NRP1: variants seen among roughly 807,000 people sequenced by gnomAD.
The protein encoded by NRP1 is neuropilin-1.
In NRP1, 35 loss-of-function variants were observed where a neutral mutation model predicts 106.7. The ratio of observed to expected loss-of-function variants is 0.33; its 90% CI spans 0.25 to 0.43. NRP1 has a LOEUF of 0.43. Ranked by LOEUF, NRP1 falls within the 20% of genes least tolerant of loss-of-function variation. The pLI, the probability that NRP1 is intolerant of heterozygous loss-of-function variation, is 1.00. For synonymous variants in NRP1, 437 were observed against 417.9 expected, an observed-to-expected ratio of 1.05 and a Z score of -0.56; for missense variants, 1,024 against 1,170.4, an observed-to-expected ratio of 0.87 and a Z score of 1.83.
chr10:33,327,708 C>A (rs142859223), intron 2 of NRP1, among the ~76,000 whole-genome samples: 5 of 151,934 alleles, frequency 3.3e-5, no homozygotes, highest in African/African-American at 1.2e-4. Context: ...AAATTTAAAT[C>A]TGTGGATTCT....
At chr10:33,222,535 A>ATTTATTTTTTTT (rs1213013370) in intron 7 of NRP1, among the ~76,000 whole-genome samples, 27 of 120,136 alleles carry the variant, frequency 2.2e-4, no homozygotes, top group Admixed American at 4.9e-4. Flanking sequence ...TTATTTATTT[A>ATTTATTTTTTTT]TTTAAGATGG....
chr10:33,201,564 G>A (rs1837309912), intron 11 of NRP1: 1 of 152,162 alleles, frequency 6.6e-6, no homozygotes, highest in African/African-American at 2.4e-5. Flanking sequence ...TTATATCAGT[G>A]GTTGAGTTTT....
chr10:33,218,843 G>A (rs551651780), intron 8 of NRP1, among the ~76,000 whole-genome samples: 8 of 148,312 alleles, frequency 5.4e-5, no homozygotes, highest in East Asian at 1.9e-4. Context: ...CTCAGAAGGC[G>A]TGCATAAAAC....
chr10:33,217,270 G>A (rs1393788015), intron 8 of NRP1, among the ~76,000 whole-genome samples: 1 of 152,008 alleles, frequency 6.6e-6, no homozygotes, highest in African/African-American at 2.4e-5. Context: ...AGACTCGGCT[G>A]GGGCACAGTT....
rs1043760318 is a variant in NRP1 at position 33,255,227 on chromosome 10, T to C, written c.815-1033A>G. Among the ~76,000 whole-genome samples, 6 of 152,236 alleles carry C rather than the reference T, an allele frequency of 3.9e-5. No homozygotes were observed. The South Asian group carries it at 1.2e-3, about 32-fold the overall frequency. ...TATTTTTAAGCTTAGGTTTGTTATT[T>C]GTAATATAACAATTATTTACAGGCA... On this transcript the variant is annotated intron_variant, in intron 5 of 16. Transcript: ENST00000374867.
At chr10:33,190,231 C>T (rs1836313130) in intron 13 of NRP1, among the ~76,000 whole-genome samples, 1 of 152,200 alleles carries the variant, frequency 6.6e-6, no homozygotes. Flanking sequence ...GCTAACATAG[C>T]TTTTAACCTC....
chr10:33,278,655 C>A (rs1240712437), intron 2 of NRP1, among the ~76,000 whole-genome samples: 1 of 152,202 alleles, frequency 6.6e-6, no homozygotes, highest in Non-Finnish European at 1.5e-5. Flanking sequence ...CATTCTCCTG[C>A]AAGAAATTAT....
At chr10:33,334,235 G>T in intron 1 of NRP1, 75 bp downstream of exon 1, 6 of 1,379,850 alleles carry the variant, frequency 4.3e-6, no homozygotes, top group Non-Finnish European at 4.9e-6. Context: ...GGGAAGCCCC[G>T]CCTGAGCCCC....
At chr10:33,246,998 G>T (rs536331208) in intron 6 of NRP1, among the ~76,000 whole-genome samples, 22 of 152,252 alleles carry the variant, frequency 1.4e-4, no homozygotes, top group Non-Finnish European at 2.9e-4. Flanking sequence ...CCTCTTCCAC[G>T]CTCAACCCAT....
intron 7 of NRP1, among the ~76,000 whole-genome samples, chr10:33,224,615 C>G (rs1438564448): frequency 6.7e-6 from 1 of 150,266 alleles, no homozygotes; most frequent in Non-Finnish European, 1.5e-5. Flanking sequence ...GTTTGTTACA[C>G]AGGTAACTGT....
chr10:33,203,987 G>A (rs1328570035), intron 10 of NRP1, among the ~76,000 whole-genome samples: 3 of 151,396 alleles, frequency 2.0e-5, no homozygotes, highest in Non-Finnish European at 2.9e-5. Context: ...TGATCCACCC[G>A]CCTCGGCCTC....
chr10:33,182,819 AC>A (rs1426619267), intron 15 of NRP1, 71 bp from the exon 16 acceptor site: 3 of 1,010,890 alleles, frequency 3.0e-6, no homozygotes, highest in Non-Finnish European at 4.6e-6. Context: ...AACTACACAA[AC>A]CTTTAGGTAC....
chr10:33,328,103 G>A (rs1198954218), intron 2 of NRP1, among the ~76,000 whole-genome samples: 1 of 151,964 alleles, frequency 6.6e-6, no homozygotes, highest in Non-Finnish European at 1.5e-5. Flanking sequence ...AGATTGTTAT[G>A]TAACATCTTC....
intron 10 of NRP1, among the ~76,000 whole-genome samples, chr10:33,207,350 C>A (rs891262942): frequency 6.6e-6 from 1 of 150,850 alleles, no homozygotes; most frequent in African/African-American, 2.4e-5. Flanking sequence ...TCATATAATC[C>A]GAGGAGAGTC....
intron 2 of NRP1, among the ~76,000 whole-genome samples, chr10:33,314,018 T>TTCTC (rs71792669): frequency 0.12 from 5,253 of 45,576 alleles, 130 homozygotes; most frequent in Middle Eastern, 0.28. Context: ...CCTTCCTTCC[T>TTCTC]TCTCTCTCTC....
At chr10:33,292,672 T>C (rs1845084851) in intron 2 of NRP1, among the ~76,000 whole-genome samples, 1 of 152,140 alleles carries the variant, frequency 6.6e-6, no homozygotes, top group Non-Finnish European at 1.5e-5. Flanking sequence ...TTCCAGCAGA[T>C]AAGCAGATTT....
intron 2 of NRP1, among the ~76,000 whole-genome samples, chr10:33,282,864 G>A (rs1473157672): frequency 6.6e-6 from 1 of 152,034 alleles, no homozygotes; most frequent in Non-Finnish European, 1.5e-5. Flanking sequence ...TCCTGCCTCA[G>A]CCTCCTGAGT....
chr10:33,237,487 G>GCACACA lies in NRP1; in HGVS notation c.982-11204_982-11199dup, dbSNP rs111698441. Among the ~76,000 whole-genome samples the GCACACA allele has an allele frequency of 6.7e-3, 970 of 144,832 alleles. 5 individuals are homozygous for GCACACA. The highest frequency in any genetic ancestry group is 0.015 in the African/African-American group (589 of 38,922). On this transcript the variant is annotated intron_variant, in intron 6 of 16. Coordinates refer to ENST00000374867, the MANE Select transcript of NRP1 (RefSeq NM_003873.7). ...CGGCAGAAGAAACACACATGCGCGC[G>GCACACA]CACACACACACACACACACACACAC...
chr10:33,207,754 A>AG lies in NRP1; in HGVS notation c.1615-39_1615-38insC, dbSNP rs78182079. On this transcript the variant is annotated intron_variant, in intron 9 of 16. Transcript: ENST00000374867. ...GAAAACACAGGGCATTAAGGAAAAAAAAAAACAGAGCTCCCTTTTAGCAAC... is the reference window on the plus strand; with the variant it reads ...GAAAACACAGGGCATTAAGGAAAAAAGAAAAACAGAGCTCCCTTTTAGCAAC... 25 of 1,551,546 alleles carry AG rather than the reference A, an allele frequency of 1.6e-5. No individual in the cohort carries two copies. In the African/African-American group the frequency reaches 2.9e-4, roughly 18 times the overall value.
Sources: allele counts gnomAD v4.1 joint callset (sites outside exome capture counted in the v4.1 genomes callset), GRCh38; gene constraint gnomAD v4.1.1; transcripts MANE v1.5; gene names NCBI Gene and HGNC (gene_info 2026-07-23, HGNC 2026-07-21).